Variants in ZNF33A observed in about 807,000 individuals in gnomAD.
The protein encoded by ZNF33A is zinc finger protein 33A, also known as brain my041 protein.
A neutral mutation model predicts 15.9 loss-of-function variants in ZNF33A; 9 were observed. The observed-to-expected ratio is 0.57, with a 90% CI of 0.34 to 0.99. The LOEUF (loss-of-function observed/expected upper bound fraction) is 0.99, where lower values mean the gene tolerates loss of function less well. Ranked by LOEUF, ZNF33A falls within the 50% of genes least tolerant of loss-of-function variation. The pLI, the probability that ZNF33A is intolerant of heterozygous loss-of-function variation, is 0.02. For missense variants in ZNF33A, 843 were observed against 941.6 expected (o/e 0.90, Z 1.37); for synonymous variants, 294 against 324.2 (o/e 0.91, Z 1.00).
At chr10:38,039,427 C>T (rs1258045378) in intron 4 of ZNF33A, 2 of 450,476 alleles carry the variant, frequency 4.4e-6, no homozygotes, top group African/African-American at 4.0e-5. Context: ...GGGGTTTCAC[C>T]ATGTTCCTGG....
chr10:38,014,073 C>T (rs2064332700), intron 2 of ZNF33A, among the ~76,000 whole-genome samples: 1 of 106,048 alleles, frequency 9.4e-6, no homozygotes, highest in Admixed American at 1.4e-4. Flanking sequence ...TGGAGAGAGT[C>T]TCACTGTCAC....
At chr10:38,025,523 G>A (rs373534526) in intron 4 of ZNF33A, among the ~76,000 whole-genome samples, 5 of 152,220 alleles carry the variant, frequency 3.3e-5, no homozygotes, top group Non-Finnish European at 5.9e-5. Context: ...GAGGAAAGGC[G>A]ATGTGAATAT....
intron 4 of ZNF33A, among the ~76,000 whole-genome samples, chr10:38,048,906 A>T (rs992964017): frequency 6.6e-6 from 1 of 152,168 alleles, no homozygotes; most frequent in Non-Finnish European, 1.5e-5. Context: ...AAATAACTTA[A>T]TTGACATTTA....
At chr10:38,013,204 G>A (rs1203668995) in intron 2 of ZNF33A, among the ~76,000 whole-genome samples, 2 of 139,238 alleles carry the variant, frequency 1.4e-5, no homozygotes, top group African/African-American at 2.7e-5. Context: ...TCTGCCTCCC[G>A]GGTTCAAGCG....
At chr10:38,061,081 G>A (rs958799044), downstream of ZNF33A, among the ~76,000 whole-genome samples, 1 of 152,138 alleles carries the variant, frequency 6.6e-6, no homozygotes, top group African/African-American at 2.4e-5. Context: ...CAAAGGTCTG[G>A]CTGGAGCTCT....
Position 38,056,482 on chromosome 10 carries a change from G to A in ZNF33A, c.2358G>A (p.Gln786=), listed in dbSNP as rs1375363102. ...ATGAAATGGATATTAGAAATTTCCA[G>A]CCACAAGTCAGCCTCCATAATGCCT... ...LMNEMDIRNF[Q]PQVSLHNASE... Residue 786 remains glutamine, a synonymous_variant, in exon 5 of 5, where the codon CAG becomes CAA. Transcript: ENST00000432900. The A allele has an allele frequency of 6.2e-7, 1 of 1,613,222 alleles. No homozygotes were observed. Among genetic ancestry groups the A allele is most frequent in the Non-Finnish European group, 8.5e-7 (1 of 1,179,516 alleles).
intron 4 of ZNF33A, among the ~76,000 whole-genome samples, chr10:38,047,680 C>T (rs1320337185): frequency 7.4e-6 from 1 of 135,416 alleles, no homozygotes; most frequent in Non-Finnish European, 1.6e-5. Flanking sequence ...CCCCTGTGAG[C>T]TTTAAGAGAA....
At chr10:38,013,731 T>C (rs1348640216) in intron 2 of ZNF33A, among the ~76,000 whole-genome samples, 1 of 152,012 alleles carries the variant, frequency 6.6e-6, no homozygotes, top group Non-Finnish European at 1.5e-5. Context: ...GCTAGGATTG[T>C]GTATTTTAAT....
At chr10:38,011,697 A>T (rs2064194895) in intron 1 of ZNF33A, among the ~76,000 whole-genome samples, 3 of 152,238 alleles carry the variant, frequency 2.0e-5, no homozygotes, top group African/African-American at 2.4e-5. Context: ...AGTAGGGAAG[A>T]CTAAGTCACA....
chr10:38,063,027 AAAAAAG>A (rs2066672839), downstream of ZNF33A, among the ~76,000 whole-genome samples: 1 of 148,844 alleles, frequency 6.7e-6, no homozygotes, highest in African/African-American at 2.4e-5. Flanking sequence ...AAAAAAAAAA[AAAAAAG>A]AGGAAAAGTA....
At chr10:38,054,082 C>T (rs896344980) in intron 4 of ZNF33A, among the ~76,000 whole-genome samples, 1 of 152,174 alleles carries the variant, frequency 6.6e-6, no homozygotes, top group Admixed American at 6.6e-5. Flanking sequence ...TGGGGAAACG[C>T]AGATGTAAGC....
rs1360681174 is a variant in ZNF33A at position 38,057,336 on chromosome 10, G to GT, written c.*783dup. The GT allele has an allele frequency of 3.8e-5, 37 of 985,184 alleles. No individual in the cohort carries two copies. Among genetic ancestry groups the GT allele is most frequent in the Admixed American group, 6.2e-5 (1 of 16,248 alleles). 61.0% of individuals were successfully genotyped at this position (985,184 alleles called of 1,614,324 possible). ...TCCCTTGCATCCACTTGACTATGAA[G>GT]TTTTTTTAAAGCACAGATAAATTGA... On this transcript the variant is annotated 3_prime_UTR_variant, in exon 5 of 5. Transcript: ENST00000432900.
At chr10:38,034,717 CT>C (rs752947909) in intron 4 of ZNF33A, among the ~76,000 whole-genome samples, 5 of 152,240 alleles carry the variant, frequency 3.3e-5, no homozygotes, top group Non-Finnish European at 7.4e-5. Flanking sequence ...TTTTAGAGCA[CT>C]TTCTTTCTGT....
chr10:38,016,033 G>C, intron 2 of ZNF33A: 1 of 1,230,710 alleles, frequency 8.1e-7, no homozygotes, highest in Middle Eastern at 3.1e-4. Context: ...CTTCTCCGCT[G>C]TACTCCACAG....
chr10:38,026,768 G>A (rs1465337790), intron 4 of ZNF33A, among the ~76,000 whole-genome samples: 2 of 152,006 alleles, frequency 1.3e-5, no homozygotes, highest in African/African-American at 2.4e-5. Flanking sequence ...TTATTTTCTT[G>A]TGGAAATCCA....
At chr10:38,045,250 C>G (rs2135715044) in intron 4 of ZNF33A, among the ~76,000 whole-genome samples, 1 of 152,322 alleles carries the variant, frequency 6.6e-6, no homozygotes, top group Non-Finnish European at 1.5e-5. Context: ...TGGGTTCTCA[C>G]TGATGTTGCT....
At chr10:38,031,525 G>A (rs1291076881) in intron 4 of ZNF33A, among the ~76,000 whole-genome samples, 1 of 147,294 alleles carries the variant, frequency 6.8e-6, no homozygotes, top group Non-Finnish European at 1.5e-5. Flanking sequence ...AGCTGTGATG[G>A]CACCATTCGA....
Position 38,012,358 on chromosome 10 carries a change from G to A in ZNF33A, c.9+8G>A. The A allele has an allele frequency of 6.5e-7, 1 of 1,542,276 alleles. No homozygotes were observed. The highest frequency in any genetic ancestry group is 1.1e-5 in the South Asian group (1 of 89,858). On this transcript the variant is annotated splice_region_variant and intron_variant, in intron 2 of 4. Coordinates refer to ENST00000432900, the MANE Select transcript of ZNF33A (RefSeq NM_006954.2). ...CAGAACAAAATGAACAAGGTAAGTT[G>A]TTTATTAATTCCCTACTTTATTTTG...
At chr10:38,049,598 A>G (rs999043446) in intron 4 of ZNF33A, among the ~76,000 whole-genome samples, 1 of 152,164 alleles carries the variant, frequency 6.6e-6, no homozygotes, top group African/African-American at 2.4e-5. Flanking sequence ...GTATTTATGT[A>G]TATGTATATA....
Sources: gnomAD v4.1 joint callset for allele counts (sites outside exome capture counted in the v4.1 genomes callset) on GRCh38, gnomAD v4.1.1 for gene constraint, MANE v1.5 for transcripts, NCBI Gene and HGNC (gene_info 2026-07-23, HGNC 2026-07-21) for gene names.